Variants in ROBO1 observed in about 807,000 individuals in gnomAD.
ROBO1 encodes roundabout guidance receptor 1.
A neutral mutation model predicts 195.9 loss-of-function variants in ROBO1; 149 were observed. The ratio of observed to expected loss-of-function variants is 0.76; its 90% CI spans 0.67 to 0.87. ROBO1 has a LOEUF of 0.87. Among genes scored for constraint, ROBO1 ranks in the 40% least tolerant of loss-of-function variants. ROBO1 has a pLI of 0.00. For missense variants in ROBO1, 1,933 were observed against 2,068.3 expected (o/e 0.93, Z 1.27); for synonymous variants, 816 against 733.2 (o/e 1.11, Z -1.82).
intron 2 of ROBO1, among the ~76,000 whole-genome samples, chr3:79,484,753 A>ATATTTTTTTTTTTTTTTTTTTTTTTT (rs1402757273): frequency 5.6e-5 from 1 of 17,700 alleles, no homozygotes; most frequent in Non-Finnish European, 1.0e-4. Context: ...TCATTGCACT[A>ATATTTTTTTTTTTTTTTTTTTTTTTT]TCTTTTTTTT....
At position 78,639,886 on chromosome 3, in the gene ROBO1, G is replaced by A; in HGVS notation, c.2895C>T (p.Leu965=). 1.9e-6 allele frequency: 3 copies of A among 1,597,712 alleles called. No individual in the cohort carries two copies. The highest frequency in any genetic ancestry group is 2.6e-6 in the Non-Finnish European group (3 of 1,170,510). Residue 965 remains leucine (L), a synonymous_variant, in exon 22 of 31, where the codon CTC becomes CTT. Transcript: ENST00000464233. ...GCTGCGCGGCAGGTTCACTGATGTT[G>A]AGAAGTCCAGGCCTAAATAAAAAAA... is the stretch of plus-strand genomic sequence containing the variant. ...AVSSGGRPGL[L]NISEPAAQPW...
chr3:78,598,977 T>G (rs1261196626), intron 30 of ROBO1, 50 bp from the exon 31 acceptor site: 2 of 1,174,260 alleles, frequency 1.7e-6, no homozygotes, highest in Non-Finnish European at 1.2e-6. Flanking sequence ...TTAAGAGGAT[T>G]GTGTTATATT....
chr3:79,251,582 C>T (rs933309508), intron 2 of ROBO1, among the ~76,000 whole-genome samples: 1 of 152,074 alleles, frequency 6.6e-6, no homozygotes, highest in Non-Finnish European at 1.5e-5. Context: ...GAAACCCCAT[C>T]TCTACTAAAA....
chr3:79,625,738 A>G (rs181383138), intron 1 of ROBO1, among the ~76,000 whole-genome samples: 76 of 152,132 alleles, frequency 5.0e-4, no homozygotes, highest in African/African-American at 1.6e-3. Context: ...CCAAAAAAAG[A>G]CGAGGACCAG....
chr3:78,696,020 C>T (rs901905167), intron 8 of ROBO1, among the ~76,000 whole-genome samples: 2 of 151,282 alleles, frequency 1.3e-5, no homozygotes, highest in African/African-American at 4.9e-5. Flanking sequence ...TACATTTCTC[C>T]AAAGGTCAGG....
intron 3 of ROBO1, among the ~76,000 whole-genome samples, chr3:79,113,388 T>G (rs1434814074): frequency 2.7e-5 from 4 of 150,228 alleles, no homozygotes; most frequent in Non-Finnish European, 5.9e-5. Context: ...TGAGTGAGGT[T>G]TTTTTTTTTA....
chr3:79,587,619 TTA>T (rs1432756787), intron 2 of ROBO1, among the ~76,000 whole-genome samples: 1 of 151,726 alleles, frequency 6.6e-6, no homozygotes, highest in Non-Finnish European at 1.5e-5. Flanking sequence ...GAATAAGAAA[TTA>T]TGTTTTTTTT....
intron 2 of ROBO1, among the ~76,000 whole-genome samples, chr3:79,212,838 TAAATAAAATAAAATAAAATA>T (rs371670959): frequency 1.3e-5 from 2 of 150,012 alleles, no homozygotes; most frequent in Admixed American, 6.7e-5. Flanking sequence ...TAAAATAAAA[TAAATAAAATAAAATAAAATA>T]AAATAAAATA....
At chr3:78,797,608 T>C (rs1007657967) in intron 4 of ROBO1, among the ~76,000 whole-genome samples, 1 of 152,176 alleles carries the variant, frequency 6.6e-6, no homozygotes, top group African/African-American at 2.4e-5. Context: ...AGAACATTCT[T>C]TAGCCACTTT....
At chr3:78,984,698 A>G (rs2077066892) in intron 3 of ROBO1, among the ~76,000 whole-genome samples, 1 of 152,186 alleles carries the variant, frequency 6.6e-6, no homozygotes, top group Non-Finnish European at 1.5e-5. Context: ...GGCCATTCGG[A>G]CAGCTGGCTA....
At chr3:78,978,903 T>C (rs2076936428) in intron 3 of ROBO1, among the ~76,000 whole-genome samples, 1 of 152,186 alleles carries the variant, frequency 6.6e-6, no homozygotes, top group Non-Finnish European at 1.5e-5. Context: ...ACAAACCTCC[T>C]TATCAACATT....
At chr3:79,318,580 A>G (rs1362847472) in intron 2 of ROBO1, among the ~76,000 whole-genome samples, 2 of 152,340 alleles carry the variant, frequency 1.3e-5, no homozygotes, top group East Asian at 1.9e-4. Context: ...ATGAATTGAC[A>G]TATCTAATCA....
intron 2 of ROBO1, among the ~76,000 whole-genome samples, chr3:79,569,645 ATGTG>A (rs112113543): frequency 0.016 from 2,329 of 142,150 alleles, 36 homozygotes; most frequent in African/African-American, 0.048. Context: ...ATGTATAGAT[ATGTG>A]TGTGTGTGTG....
At chr3:79,304,243 A>G (rs2033119338) in intron 2 of ROBO1, among the ~76,000 whole-genome samples, 1 of 152,208 alleles carries the variant, frequency 6.6e-6, no homozygotes, top group South Asian at 2.1e-4. Context: ...TAACTTGGTT[A>G]AAGACTGAAT....
intron 4 of ROBO1, among the ~76,000 whole-genome samples, chr3:78,768,155 AT>A (rs2083275736): frequency 6.6e-6 from 1 of 151,700 alleles, no homozygotes; most frequent in South Asian, 2.1e-4. Context: ...GAGTTTTAAA[AT>A]TTCCATCTTG....
chr3:78,836,196 C>G (rs2032693668), intron 4 of ROBO1, among the ~76,000 whole-genome samples: 1 of 151,990 alleles, frequency 6.6e-6, no homozygotes, highest in African/African-American at 2.4e-5. Context: ...TTCTACAAAT[C>G]TTTTTATGAA....
intron 2 of ROBO1, chr3:79,527,680 G>GT: frequency 6.6e-6 from 1 of 152,216 alleles, no homozygotes; most frequent in Middle Eastern, 3.4e-3. Context: ...GAATTGAGTG[G>GT]TATCTCTCCA....
At chr3:79,613,394 G>T (rs4680964) in intron 1 of ROBO1, among the ~76,000 whole-genome samples, 131,432 of 151,968 alleles carry the variant, frequency 0.86, 56,909 homozygotes, top group East Asian at 0.9. Flanking sequence ...GAGAAAGAAA[G>T]AAAGAAGTAT....
intron 1 of ROBO1, among the ~76,000 whole-genome samples, chr3:79,632,281 A>G (rs1195604312): frequency 6.6e-6 from 1 of 152,206 alleles, no homozygotes; most frequent in Non-Finnish European, 1.5e-5. Flanking sequence ...TCTATACACC[A>G]TGGAATACTA....
Sources: gnomAD v4.1 joint callset for allele counts (sites outside exome capture counted in the v4.1 genomes callset) on GRCh38, gnomAD v4.1.1 for gene constraint, MANE v1.5 for transcripts, NCBI Gene and HGNC (gene_info 2026-07-23, HGNC 2026-07-21) for gene names.